The following OPHN1 variants were observed in gnomAD, a reference collection of about 807,000 sequenced individuals.
OPHN1 encodes oligophrenin 1.
Under a neutral mutation model 60.7 loss-of-function variants are expected in OPHN1, and 11 were observed. The observed-to-expected ratio is 0.18, with a 90% CI of 0.11 to 0.30. OPHN1 has a LOEUF of 0.30. OPHN1 is among the 10% of genes least tolerant of loss of function. The pLI is 1.00. For missense variants in OPHN1, 449 were observed against 611.0 expected, an observed-to-expected ratio of 0.73 and a Z score of 2.80; for synonymous variants, 226 against 222.6, an observed-to-expected ratio of 1.02 and a Z score of -0.14.
intron 4 of OPHN1, among the ~76,000 whole-genome samples, chrX:68,277,070 A>G (rs1602291682): frequency 1.8e-5 from 2 of 112,079 alleles, no homozygotes; most frequent in Non-Finnish European, 3.8e-5. Context: ...ACAAATAATT[A>G]GTTTTAGTTT....
At chrX:68,055,546 G>A (rs1170343342) in intron 21 of OPHN1, among the ~76,000 whole-genome samples, 1 of 111,833 alleles carries the variant, frequency 8.9e-6, no homozygotes, top group Non-Finnish European at 1.9e-5. Flanking sequence ...ACAGTGTGGC[G>A]ATTCCTCAAG....
At chrX:68,216,465 C>A (rs1378152094) in intron 6 of OPHN1, among the ~76,000 whole-genome samples, 1 of 110,175 alleles carries the variant, frequency 9.1e-6, no homozygotes, top group Non-Finnish European at 1.9e-5. Flanking sequence ...AATTAAGAGC[C>A]AACTATGTTA....
chrX:68,421,390 T>C (rs1569309198), intron 2 of OPHN1, among the ~76,000 whole-genome samples: 1 of 112,059 alleles, frequency 8.9e-6, no homozygotes, highest in African/African-American at 3.2e-5. Flanking sequence ...TCCCATGTTT[T>C]AGAGCAAAAG....
At chrX:68,355,920 C>T (rs1258759962) in intron 2 of OPHN1, among the ~76,000 whole-genome samples, 1 of 110,787 alleles carries the variant, frequency 9.0e-6, no homozygotes, top group African/African-American at 3.3e-5. Context: ...GGTGGTGGCA[C>T]ATGCCTATAA....
At chrX:68,423,591 A>T (rs1161444470) in intron 2 of OPHN1, among the ~76,000 whole-genome samples, 1 of 109,870 alleles carries the variant, frequency 9.1e-6, no homozygotes, top group Non-Finnish European at 1.9e-5. Flanking sequence ...ATACATTCCA[A>T]CCCCCCAGCT....
chrX:68,301,125 A>T (rs1306980155), intron 2 of OPHN1, among the ~76,000 whole-genome samples: 1 of 111,794 alleles, frequency 8.9e-6, no homozygotes, highest in African/African-American at 3.3e-5. Flanking sequence ...CAAAAAATGA[A>T]ACAATGCACA....
At chrX:68,396,932 T>C (rs1420918923) in intron 2 of OPHN1, among the ~76,000 whole-genome samples, 1 of 111,977 alleles carries the variant, frequency 8.9e-6, no homozygotes, top group Non-Finnish European at 1.9e-5. Context: ...CCAGGGGAGC[T>C]TCCCCCCAGG....
chrX:68,096,749 T>C (rs1048863501), intron 19 of OPHN1, 121 bp downstream of exon 19: 7 of 698,015 alleles, frequency 1.0e-5, no homozygotes, highest in Middle Eastern at 4.6e-4. Flanking sequence ...TGTCATTGTG[T>C]CATAATGGGA....
chrX:68,221,824 C>A, intron 6 of OPHN1, among the ~76,000 whole-genome samples: 1 of 83,730 alleles, frequency 1.2e-5, no homozygotes, highest in Non-Finnish European at 2.4e-5. Flanking sequence ...CCATAAAAAC[C>A]CTAGAAGAAA....
intron 2 of OPHN1, among the ~76,000 whole-genome samples, chrX:68,424,729 C>T (rs2078845907): frequency 9.0e-6 from 1 of 111,630 alleles, no homozygotes; most frequent in African/African-American, 3.3e-5. Context: ...ATCTTCCCTA[C>T]CCCAGCCTGG....
intron 19 of OPHN1, among the ~76,000 whole-genome samples, chrX:68,078,377 T>C (rs2076961246): frequency 9.0e-6 from 1 of 111,588 alleles, no homozygotes; most frequent in Non-Finnish European, 1.9e-5. Flanking sequence ...ACTTACTTAA[T>C]GCAGATGGGA....
intron 2 of OPHN1, among the ~76,000 whole-genome samples, chrX:68,317,573 AAGAG>A (rs1216794135): frequency 1.2e-5 from 1 of 81,865 alleles, no homozygotes; most frequent in Non-Finnish European, 2.2e-5. Context: ...GAAAGAAAGA[AAGAG>A]AAAGAAAGAA....
At chrX:68,227,694 T>C (rs1602254665) in intron 6 of OPHN1, among the ~76,000 whole-genome samples, 1 of 111,397 alleles carries the variant, frequency 9.0e-6, no homozygotes, top group South Asian at 3.9e-4. Flanking sequence ...AATAAAGATG[T>C]TCTTTGAAAC....
chrX:68,322,589 C>T (rs751078845), intron 2 of OPHN1, among the ~76,000 whole-genome samples: 2 of 111,112 alleles, frequency 1.8e-5, no homozygotes, highest in Non-Finnish European at 3.8e-5. Context: ...GAGTTCGAGA[C>T]TAGTCTGGTC....
At chrX:68,264,602 G>A (rs184805892) in intron 5 of OPHN1, among the ~76,000 whole-genome samples, 14 of 111,980 alleles carry the variant, frequency 1.3e-4, no homozygotes, top group African/African-American at 3.6e-4. Flanking sequence ...CAGTGTGTGC[G>A]ACGTAGAAGA....
chrX:68,266,785 C>A lies in OPHN1; in HGVS notation c.384+7953G>T, dbSNP rs1038844835. 4.2e-4 allele frequency among the ~76,000 whole-genome samples: 47 copies of A among 111,191 alleles called. 1 individual carries two copies. Among genetic ancestry groups the A allele is most frequent in the Non-Finnish European group, 3.0e-4 (16 of 53,111 alleles). ...AGTGTGCTGTATTCAGGAGACCCAT[C>A]TCTCGTGCAGAGACACACATAGGCT... On this transcript the variant is annotated intron_variant, in intron 5 of 24. Coordinates refer to ENST00000355520, the MANE Select transcript of OPHN1 (RefSeq NM_002547.3).
intron 19 of OPHN1, among the ~76,000 whole-genome samples, chrX:68,083,054 C>CTTT (rs869083899): frequency 0.31 from 11,665 of 37,340 alleles, 4,157 homozygotes; most frequent in Non-Finnish European, 0.4. Context: ...CTGCTAGTTT[C>CTTT]TTTTTTTTTT....
chrX:68,288,632 C>G (rs2078056319), intron 3 of OPHN1, among the ~76,000 whole-genome samples: 2 of 110,728 alleles, frequency 1.8e-5, no homozygotes, highest in Admixed American at 9.6e-5. Context: ...AGCGTGGAAG[C>G]AGACACCTGT....
At chrX:68,220,625 A>C (rs1388355496) in intron 6 of OPHN1, among the ~76,000 whole-genome samples, 1 of 90,958 alleles carries the variant, frequency 1.1e-5, no homozygotes, top group Non-Finnish European at 2.2e-5. Context: ...GGCTGGTTCA[A>C]TATATGCAAA....
Sources: gnomAD v4.1 joint callset for allele counts (sites outside exome capture counted in the v4.1 genomes callset) on GRCh38, gnomAD v4.1.1 for gene constraint, MANE v1.5 for transcripts, NCBI Gene and HGNC (gene_info 2026-07-23, HGNC 2026-07-21) for gene names.